CDCA2: variants seen among roughly 807,000 people sequenced by gnomAD.
CDCA2 encodes cell division cycle-associated protein 2.
Under a neutral mutation model 67.0 loss-of-function variants are expected in CDCA2, and 44 were observed. The observed-to-expected ratio is 0.66, with a 90% CI of 0.52 to 0.84. The LOEUF is 0.84. Among genes scored for constraint, CDCA2 ranks in the 40% least tolerant of loss-of-function variants. CDCA2 has a pLI of 0.00. For synonymous variants in CDCA2, 447 were observed against 418.7 expected, an observed-to-expected ratio of 1.07 and a Z score of -0.82; for missense variants, 1,253 against 1,203.2, an observed-to-expected ratio of 1.04 and a Z score of -0.61.
At chr8:25,480,441 A>G (rs1355974968) in intron 8 of CDCA2, among the ~76,000 whole-genome samples, 1 of 152,160 alleles carries the variant, frequency 6.6e-6, no homozygotes, top group African/African-American at 2.4e-5. Flanking sequence ...TTATATAATT[A>G]TATAAGTGAT....
Position 25,507,270 on chromosome 8 carries a change from A to G in CDCA2, c.2604A>G (p.Glu868=). 1 of 1,614,156 alleles carries G rather than the reference A, an allele frequency of 6.2e-7. No homozygotes were observed. The highest frequency in any genetic ancestry group is 1.1e-5 in the South Asian group (1 of 91,090). The change falls in exon 15 of 15, where the codon GAA becomes GAG. Residue 868 remains glutamate, a synonymous_variant. Coordinates refer to ENST00000330560, the MANE Select transcript of CDCA2 (RefSeq NM_152562.4). ...TAGAAATTAGTTTAGAAAATTCTGA[A>G]CTGTTTAAAGATTTGTCTGATGCCA... ...SSVEISLENS[E]LFKDLSDAIE... is the part of the protein sequence containing the mutation.
At chr8:25,494,954 A>T (rs1804155897) in intron 13 of CDCA2, among the ~76,000 whole-genome samples, 1 of 152,128 alleles carries the variant, frequency 6.6e-6, no homozygotes, top group Non-Finnish European at 1.5e-5. Context: ...GCCCCAAGAG[A>T]CACCAGCCCT....
chr8:25,503,253 A>T, intron 13 of CDCA2, 120 bp from the exon 14 acceptor site: 2 of 746,564 alleles, frequency 2.7e-6, no homozygotes, highest in Non-Finnish European at 4.4e-6. Context: ...ACTGCACTCC[A>T]GCCTGGATGA....
chr8:25,488,454 G>A (rs1354078612), intron 12 of CDCA2, 98 bp from the exon 13 acceptor site: 3 of 1,122,328 alleles, frequency 2.7e-6, no homozygotes, highest in Non-Finnish European at 2.5e-6. Flanking sequence ...GATCTAAAGT[G>A]GTAGAAGCAT....
chr8:25,498,124 T>C (rs909101645), intron 13 of CDCA2, among the ~76,000 whole-genome samples: 1 of 152,174 alleles, frequency 6.6e-6, no homozygotes, highest in African/African-American at 2.4e-5. Flanking sequence ...AAAGAAATTA[T>C]GGGCCAAGGG....
At position 25,494,671 on chromosome 8, in the gene CDCA2, G is replaced by C. The variant is rs79334363; in HGVS notation, c.1671+5982G>C. Among the ~76,000 whole-genome samples the C allele has an allele frequency of 2.6e-3, 393 of 152,288 alleles. 6 individuals carry two copies. In the East Asian group the frequency reaches 0.038, roughly 15 times the overall value. On this transcript the variant is annotated intron_variant, in intron 13 of 14. Transcript: ENST00000330560. ...AAACAATATATGTGGTCAACTACTG[G>C]TTATGGACTGAATTGTGTCCCTTCC...
chr8:25,494,404 A>AT (rs1378239769), intron 13 of CDCA2, among the ~76,000 whole-genome samples: 1 of 152,236 alleles, frequency 6.6e-6, no homozygotes, highest in African/African-American at 2.4e-5. Context: ...TGTAGCATTT[A>AT]TATTGTACTT....
intron 13 of CDCA2, among the ~76,000 whole-genome samples, chr8:25,502,125 G>A (rs1306911606): frequency 1.3e-5 from 2 of 152,120 alleles, no homozygotes; most frequent in African/African-American, 4.8e-5. Flanking sequence ...TCGATCTCCT[G>A]ACCTTGTGAT....
At chr8:25,490,197 C>T (rs1803946824) in intron 13 of CDCA2, among the ~76,000 whole-genome samples, 1 of 151,770 alleles carries the variant, frequency 6.6e-6, no homozygotes, top group Non-Finnish European at 1.5e-5. Context: ...AATTGATTTC[C>T]TTCGTGTGTG....
At chr8:25,502,767 A>AT (rs769261272) in intron 13 of CDCA2, among the ~76,000 whole-genome samples, 3 of 151,800 alleles carry the variant, frequency 2.0e-5, no homozygotes, top group East Asian at 1.9e-4. Flanking sequence ...CATCTTATAT[A>AT]TTTTTTCATT....
rs1181657966 is a variant in CDCA2, at chr8:25,507,753, A to G, written c.*15A>G. On this transcript the variant is annotated 3_prime_UTR_variant, in exon 15 of 15. Transcript: ENST00000330560. ...GAAAGCAGTAATTGACATTTCCTGC[A>G]GAGTCTGTGGCAAGAGGGAAAGTAA... 6.2e-7 allele frequency: 1 copy of G among 1,600,038 alleles called. No homozygotes were observed. The highest frequency in any genetic ancestry group is 8.5e-7 in the Non-Finnish European group (1 of 1,174,508).
Position 25,507,061 on chromosome 8 carries a change from G to GA in CDCA2, c.2399dup (p.Asn800LysfsTer6). ...TCATTGTTTAGGAGATGTCTTAATT[G>GA]AAAATACGAAAGAATCTAAAAGCCA... On this transcript the variant is annotated frameshift_variant, in exon 15 of 15. Transcript: ENST00000330560. LOFTEE classifies it low-confidence loss of function (END_TRUNC). The GA allele has an allele frequency of 6.2e-7, 1 of 1,613,910 alleles. No individual in the cohort carries two copies. The highest frequency in any genetic ancestry group is 8.5e-7 in the Non-Finnish European group (1 of 1,179,954).
intron 1 of CDCA2, among the ~76,000 whole-genome samples, chr8:25,459,721 G>A (rs1802598424): frequency 6.6e-6 from 1 of 152,176 alleles, no homozygotes; most frequent in Non-Finnish European, 1.5e-5. Context: ...GTCTGCTTTG[G>A]TGCCTGAACA....
chr8:25,502,736 T>G (rs1274734797), intron 13 of CDCA2, among the ~76,000 whole-genome samples: 1 of 152,136 alleles, frequency 6.6e-6, no homozygotes, highest in Non-Finnish European at 1.5e-5. Flanking sequence ...CTCATGACAT[T>G]ATATCTGTGC....
intron 6 of CDCA2, among the ~76,000 whole-genome samples, chr8:25,468,740 G>T (rs1184861467): frequency 6.6e-6 from 1 of 152,180 alleles, no homozygotes; most frequent in Non-Finnish European, 1.5e-5. Flanking sequence ...GGAAGTTACA[G>T]TCTTGCCCTT....
At chr8:25,482,780 G>C (rs1394673683) in intron 8 of CDCA2, among the ~76,000 whole-genome samples, 1 of 152,200 alleles carries the variant, frequency 6.6e-6, no homozygotes, top group East Asian at 1.9e-4. Context: ...TGAGGTAGGA[G>C]AATGGCTTGA....
chr8:25,461,610 G>A (rs575579133), intron 3 of CDCA2, among the ~76,000 whole-genome samples: 2 of 152,290 alleles, frequency 1.3e-5, no homozygotes, highest in African/African-American at 4.8e-5. Flanking sequence ...CTGATGGTAG[G>A]TATCAGAAAG....
chr8:25,466,189 G>A lies in CDCA2; in HGVS notation c.402G>A (p.Leu134=). Residue 134 remains leucine (L), a synonymous_variant, in exon 5 of 15, where the codon CTG becomes CTA. Transcript: ENST00000330560. The part of the protein sequence containing the change: ...QDSPSQGSPA[L]YRNVNTLRER... The stretch of plus-strand genomic sequence containing the variant: ...CACTTTCACAGGGCAGCCCTGCACT[G>A]TATCGAAATGTTAACACTTTAAGAG... The A allele has an allele frequency of 1.2e-6, 2 of 1,610,150 alleles. No homozygotes were observed. Among genetic ancestry groups the A allele is most frequent in the Non-Finnish European group, 1.7e-6 (2 of 1,179,134 alleles).
intron 5 of CDCA2, among the ~76,000 whole-genome samples, chr8:25,467,051 A>AAC (rs1802931873): frequency 7.2e-6 from 1 of 138,404 alleles, no homozygotes; most frequent in Non-Finnish European, 1.6e-5. Flanking sequence ...CAAAAAAAAA[A>AAC]AAAAAAAAAA....
Sources: allele counts gnomAD v4.1 joint callset (sites outside exome capture counted in the v4.1 genomes callset), GRCh38; gene constraint gnomAD v4.1.1; transcripts MANE v1.5; gene names NCBI Gene and HGNC (gene_info 2026-07-23, HGNC 2026-07-21).